POLR3K: variants seen among roughly 807,000 people sequenced by gnomAD.
The protein encoded by POLR3K is RNA polymerase III subunit K, also known as DNA-directed RNA polymerase III subunit RPC10.
In POLR3K, 11 loss-of-function variants were observed where a neutral mutation model predicts 13.5. That is an observed-to-expected ratio of 0.81 (90% CI 0.51 to 1.35). The LOEUF is 1.35. POLR3K is among the 40% of genes most tolerant of loss of function. The probability of loss-of-function intolerance (pLI) is 0.00; values close to 1 mark genes in which losing one functional copy is unlikely to be tolerated. For missense variants in POLR3K, 144 were observed against 145.3 expected, an observed-to-expected ratio of 0.99 and a Z score of 0.05; for synonymous variants, 56 against 51.5, an observed-to-expected ratio of 1.09 and a Z score of -0.38.
At chr16:50,238 C>T (rs763100037) in intron 2 of POLR3K, among the ~76,000 whole-genome samples, 13 of 152,046 alleles carry the variant, frequency 8.6e-5, no homozygotes, top group South Asian at 2.1e-4. Flanking sequence ...AGATTGCAGG[C>T]GTGAGCCACC....
intron 1 of POLR3K, among the ~76,000 whole-genome samples, chr16:52,752 C>A (rs1897348878): frequency 8.9e-6 from 1 of 112,332 alleles, no homozygotes; most frequent in Non-Finnish European, 1.8e-5. Context: ...GGCGACAGAG[C>A]GGGACTCCGT....
At chr16:52,558 A>G (rs537816227) in intron 1 of POLR3K, among the ~76,000 whole-genome samples, 92 of 150,716 alleles carry the variant, frequency 6.1e-4, no homozygotes, top group African/African-American at 2.2e-3. Context: ...TCACGAGGTC[A>G]GGAGACCGTC....
chr16:52,324 G>A (rs571241339), intron 1 of POLR3K, among the ~76,000 whole-genome samples: 36 of 151,862 alleles, frequency 2.4e-4, no homozygotes, highest in African/African-American at 8.0e-4. Context: ...GCAGGCGCCT[G>A]TAATTCCAGC....
intron 2 of POLR3K, among the ~76,000 whole-genome samples, chr16:49,492 ATT>A (rs368564503): frequency 1.4e-5 from 2 of 144,720 alleles, no homozygotes; most frequent in Non-Finnish European, 3.0e-5. Flanking sequence ...AGGTAAAAAG[ATT>A]TTTTTTTTTT....
At position 46,479 on chromosome 16, in the gene POLR3K, C is replaced by A. The variant is rs1897283879; in HGVS notation, c.*951G>T. The A allele has an allele frequency of 6.6e-6, 1 of 152,282 alleles. No homozygotes were observed. The highest frequency in any genetic ancestry group is 2.4e-5 in the African/African-American group (1 of 41,552). The allele number at this position is 152,282 out of a possible 1,614,324, so 9.4% of individuals were successfully genotyped here. Reference sequence around the variant, plus strand: ...GTGGCTCACGCCTGTAATCCCAGCACTTTAGGAGGCCGAGGCAGACAGATT... The same window carrying A: ...GTGGCTCACGCCTGTAATCCCAGCAATTTAGGAGGCCGAGGCAGACAGATT... On this transcript the variant is annotated 3_prime_UTR_variant, in exon 3 of 3. Transcript: ENST00000293860.
intron 2 of POLR3K, among the ~76,000 whole-genome samples, chr16:49,599 A>G (rs930875978): frequency 6.0e-5 from 9 of 150,358 alleles, no homozygotes; most frequent in Non-Finnish European, 8.9e-5. Context: ...CCTCCTGAGT[A>G]GCTAGGACTA....
intron 1 of POLR3K, chr16:51,927 G>A (rs1411908237): frequency 2.8e-5 from 8 of 287,596 alleles, no homozygotes; most frequent in Non-Finnish European, 4.0e-5. Flanking sequence ...GGCTGAGGCA[G>A]GAGAATGGTG....
intron 2 of POLR3K, among the ~76,000 whole-genome samples, chr16:50,167 C>T (rs1471230701): frequency 6.6e-6 from 1 of 152,142 alleles, no homozygotes; most frequent in African/African-American, 2.4e-5. Flanking sequence ...CCGTGTTAGC[C>T]AGGCTGGTCT....
At chr16:49,525 G>C (rs541831805) in intron 2 of POLR3K, among the ~76,000 whole-genome samples, 1 of 151,980 alleles carries the variant, frequency 6.6e-6, no homozygotes, top group African/African-American at 2.4e-5. Context: ...ACTCAGGCTG[G>C]AGTGGCATGG....
Position 47,330 on chromosome 16 carries a change from C to T in POLR3K, c.*100G>A, listed in dbSNP as rs1897292307. 6.9e-7 allele frequency: 1 copy of T among 1,441,730 alleles called. No homozygotes were observed. The highest frequency in any genetic ancestry group is 9.3e-7 in the Non-Finnish European group (1 of 1,070,770). 89.3% of individuals were successfully genotyped at this position (1,441,730 alleles called of 1,614,324 possible). On this transcript the variant is annotated 3_prime_UTR_variant, in exon 3 of 3. Coordinates refer to ENST00000293860, the MANE Select transcript of POLR3K (RefSeq NM_016310.5). ...TCAAAAGGTTTATCTTTCCACCACA[C>T]TAGCAAAGACCCTCAGGACACACAA...
intron 2 of POLR3K, among the ~76,000 whole-genome samples, chr16:49,594 T>C (rs1483624993): frequency 1.3e-5 from 2 of 150,690 alleles, no homozygotes; most frequent in African/African-American, 2.4e-5. Context: ...CTCAGCCTCC[T>C]GAGTAGCTAG....
chr16:51,864 C>A, intron 1 of POLR3K: 2 of 418,700 alleles, frequency 4.8e-6, no homozygotes, highest in Middle Eastern at 7.1e-4. Flanking sequence ...ACTAAAAATA[C>A]AAAAAATTAG....
chr16:50,536 T>C (rs1897322550), intron 2 of POLR3K, among the ~76,000 whole-genome samples: 1 of 152,184 alleles, frequency 6.6e-6, no homozygotes, highest in Non-Finnish European at 1.5e-5. Context: ...GTTTTGTTTG[T>C]TTTGAGACAG....
intron 2 of POLR3K, among the ~76,000 whole-genome samples, chr16:49,977 T>G (rs1466755015): frequency 6.6e-6 from 1 of 151,784 alleles, no homozygotes; most frequent in African/African-American, 2.4e-5. Flanking sequence ...TTCTTTTTTT[T>G]GACAGAGTTT....
chr16:52,567 T>C (rs1897345767), intron 1 of POLR3K, among the ~76,000 whole-genome samples: 1 of 148,150 alleles, frequency 6.7e-6, no homozygotes, highest in Non-Finnish European at 1.5e-5. Context: ...CAGGAGACCG[T>C]CCTGGCTAAC....
chr16:52,495 C>T (rs1265898782), intron 1 of POLR3K, among the ~76,000 whole-genome samples: 2 of 128,504 alleles, frequency 1.6e-5, no homozygotes, highest in Admixed American at 8.4e-5. Context: ...AAAGGTCGGG[C>T]GCGGTGGCTC....
At chr16:47,876 G>C (rs1319920040) in intron 2 of POLR3K, among the ~76,000 whole-genome samples, 1 of 127,886 alleles carries the variant, frequency 7.8e-6, no homozygotes, top group East Asian at 2.0e-4. Context: ...AAAAAAAGTA[G>C]GTATTACTAT....
At chr16:49,570 A>G (rs1897313872) in intron 2 of POLR3K, among the ~76,000 whole-genome samples, 1 of 151,624 alleles carries the variant, frequency 6.6e-6, no homozygotes, top group Non-Finnish European at 1.5e-5. Context: ...TCCTGGTTCA[A>G]GCAATTCTCC....
In POLR3K at chr16:47,258, C is replaced by G; in HGVS notation, c.*172G>C. The G allele has an allele frequency of 1.3e-6, 1 of 744,616 alleles. No homozygotes were observed. The highest frequency in any genetic ancestry group is 2.0e-6 in the Non-Finnish European group (1 of 504,684). The allele number at this position is 744,616 out of a possible 1,614,324, so 46.1% of individuals were successfully genotyped here. A position where few individuals can be genotyped will look rare whatever the true frequency, so the allele number is the denominator to read the frequency against. ...CCCAGACATTCATGACTTCATCCAC[C>G]CTGCCTGGCAGATAGGCCATATTTC... On this transcript the variant is annotated 3_prime_UTR_variant, in exon 3 of 3. Coordinates refer to ENST00000293860, the MANE Select transcript of POLR3K (RefSeq NM_016310.5).
Sources: gnomAD v4.1 joint callset for allele counts (sites outside exome capture counted in the v4.1 genomes callset) on GRCh38, gnomAD v4.1.1 for gene constraint, MANE v1.5 for transcripts, NCBI Gene and HGNC (gene_info 2026-07-23, HGNC 2026-07-21) for gene names.